Variants in GADL1 observed in about 807,000 individuals in gnomAD.
The protein encoded by GADL1 is GAD like acidic amino acid decarboxylase 1, also known as acidic amino acid decarboxylase GADL1.
Under a neutral mutation model 69.5 loss-of-function variants are expected in GADL1, and 71 were observed. The ratio of observed to expected loss-of-function variants is 1.02; its 90% CI spans 0.84 to 1.25. The LOEUF is 1.25. Ranked by LOEUF, GADL1 falls within the 50% of genes most tolerant of loss-of-function variation. The pLI, the probability that GADL1 is intolerant of heterozygous loss-of-function variation, is 0.00. For missense variants in GADL1, 737 were observed against 631.8 expected (o/e 1.17, Z -1.79); for synonymous variants, 254 against 214.4 (o/e 1.18, Z -1.62).
At chr3:30,791,682 C>G (rs752146137) in intron 12 of GADL1, among the ~76,000 whole-genome samples, 11 of 152,094 alleles carry the variant, frequency 7.2e-5, no homozygotes, top group Admixed American at 3.3e-4. Context: ...ATCGCAGTCA[C>G]TTTCAGAGCC....
At chr3:30,773,569 G>A (rs903660680) in intron 14 of GADL1, among the ~76,000 whole-genome samples, 9 of 151,954 alleles carry the variant, frequency 5.9e-5, no homozygotes, top group South Asian at 2.1e-4. Flanking sequence ...ATAAAATTTC[G>A]ATATTAATAT....
chr3:30,841,111 A>G (rs949677502), intron 8 of GADL1, among the ~76,000 whole-genome samples: 7 of 152,212 alleles, frequency 4.6e-5, no homozygotes, highest in Non-Finnish European at 1.0e-4. Flanking sequence ...ATCTGAAACA[A>G]CATAAGTTAA....
At chr3:30,802,435 G>T (rs1438863642) in intron 11 of GADL1, among the ~76,000 whole-genome samples, 2 of 151,614 alleles carry the variant, frequency 1.3e-5, no homozygotes, top group Non-Finnish European at 2.9e-5. Context: ...CTCATTTGGT[G>T]AATTTTCCAA....
intron 11 of GADL1, among the ~76,000 whole-genome samples, chr3:30,830,378 T>G (rs913833184): frequency 7.9e-5 from 12 of 152,010 alleles, no homozygotes; most frequent in African/African-American, 2.7e-4. Context: ...TAAATAAGTT[T>G]GTTATGCTTT....
intron 14 of GADL1, among the ~76,000 whole-genome samples, chr3:30,770,051 C>G (rs1696382579): frequency 6.6e-6 from 1 of 152,178 alleles, no homozygotes; most frequent in African/African-American, 2.4e-5. Context: ...ACCCGGCAAC[C>G]CTGGCCTGCA....
At chr3:30,737,234 C>A (rs1197834201) in intron 14 of GADL1, among the ~76,000 whole-genome samples, 1 of 151,972 alleles carries the variant, frequency 6.6e-6, no homozygotes, top group African/African-American at 2.4e-5. Flanking sequence ...TTACTTAGGA[C>A]TTTGGGAGAG....
At chr3:30,754,327 A>ATG (rs1695911331) in intron 14 of GADL1, among the ~76,000 whole-genome samples, 1 of 151,962 alleles carries the variant, frequency 6.6e-6, no homozygotes, top group Admixed American at 6.6e-5. Context: ...TGTCAAACTG[A>ATG]TGAAACAAGT....
chr3:30,879,562 T>G (rs1178597610), intron 1 of GADL1, among the ~76,000 whole-genome samples: 4 of 151,990 alleles, frequency 2.6e-5, no homozygotes, highest in Non-Finnish European at 5.9e-5. Context: ...CATATTTCCA[T>G]AAAACTATCA....
chr3:30,786,671 A>G lies in GADL1; in HGVS notation c.1251-265T>C, dbSNP rs181783632. Among the ~76,000 whole-genome samples the G allele has an allele frequency of 3.3e-5, 5 of 152,368 alleles. No homozygotes were observed. In the East Asian group the frequency reaches 9.6e-4, roughly 29 times the overall value. ...TTAACCCTGGTGTGAAAAGCCAGAT[A>G]AAGCAGGCTGGATATATATCTCTGA... On this transcript the variant is annotated intron_variant, in intron 12 of 14. Transcript: ENST00000282538.
chr3:30,865,008 C>G (rs1219996974), intron 1 of GADL1, among the ~76,000 whole-genome samples: 1 of 151,988 alleles, frequency 6.6e-6, no homozygotes, highest in Non-Finnish European at 1.5e-5. Context: ...GACTCCTCAT[C>G]AAACTAAAAG....
chr3:30,777,839 ACAGT>A (rs1378988526), intron 14 of GADL1, among the ~76,000 whole-genome samples: 3 of 152,130 alleles, frequency 2.0e-5, no homozygotes, highest in Admixed American at 6.5e-5. Flanking sequence ...AGGTGGTACA[ACAGT>A]CAGAGATGCA....
chr3:30,894,545 A>T, intron 1 of GADL1, 33 bp downstream of exon 1: 2 of 1,539,222 alleles, frequency 1.3e-6, no homozygotes, highest in Non-Finnish European at 1.8e-6. Flanking sequence ...GGGGAGGTTA[A>T]GGACAAAAAC....
Position 30,850,836 on chromosome 3 carries a change from T to C in GADL1, c.534A>G (p.Pro178=), listed in dbSNP as rs367780757. ...GWKEGDGIFN[P]GGSVSNMYAM... ...ATATCAATAACTAATTGTACTCACC[T>C]GGGTTAAATATTCCATCCCCTTCTT... The change falls in exon 5 of 15, where the codon CCA becomes CCG. Residue 178 remains proline, a splice_region_variant and synonymous_variant. Transcript: ENST00000282538. The C allele has an allele frequency of 4.8e-5, 74 of 1,527,818 alleles. No homozygotes were observed. The highest frequency in any genetic ancestry group is 6.2e-5 in the Non-Finnish European group (70 of 1,125,660). 94.6% of individuals were successfully genotyped at this position (1,527,818 alleles called of 1,614,324 possible).
rs1343777807 is a variant in GADL1, at chr3:30,854,583, T to TA, written c.428+115_428+116insT. 2.3e-5 allele frequency: 14 copies of TA among 615,380 alleles called. No homozygotes were observed. The African/African-American group carries it at 2.6e-4, about 11-fold the overall frequency. 38.1% of individuals were successfully genotyped at this position (615,380 alleles called of 1,614,324 possible). A position where few individuals can be genotyped will look rare whatever the true frequency, so the allele number is the denominator to read the frequency against. Reference sequence around the variant, plus strand: ...TAAGTATCATAAAACTATTCCATTATTTGCGATGGCACTATGCAAAAGAAA... The same window carrying TA: ...TAAGTATCATAAAACTATTCCATTATATTGCGATGGCACTATGCAAAAGAAA... On this transcript the variant is annotated intron_variant, in intron 4 of 14. Transcript: ENST00000282538.
intron 11 of GADL1, among the ~76,000 whole-genome samples, chr3:30,809,637 C>T (rs1217258828): frequency 1.3e-5 from 2 of 152,204 alleles, no homozygotes; most frequent in Admixed American, 1.3e-4. Context: ...CCAATTCTCA[C>T]TTCCTTCCCA....
intron 3 of GADL1, among the ~76,000 whole-genome samples, chr3:30,856,678 T>C (rs758971982): frequency 2.0e-5 from 3 of 152,060 alleles, no homozygotes; most frequent in Non-Finnish European, 4.4e-5. Flanking sequence ...ATTTATATAA[T>C]CAAAATACTA....
chr3:30,740,052 T>C (rs1695593986), intron 14 of GADL1, among the ~76,000 whole-genome samples: 1 of 152,136 alleles, frequency 6.6e-6, no homozygotes. Flanking sequence ...CTCTAAATCA[T>C]GATGTTTCTA....
rs142719241 is a variant in GADL1, at chr3:30,796,459, C to T, written c.1250+4430G>A. ...CAGTGCCGAGAGAGAGCAGGTGAAT[C>T]ATCGTTACTACTGAGAGCATCACAT... On this transcript the variant is annotated intron_variant, in intron 12 of 14. Transcript: ENST00000282538. Among the ~76,000 whole-genome samples the T allele has an allele frequency of 1.9e-3, 287 of 152,300 alleles. No individual in the cohort carries two copies. In the South Asian group the frequency reaches 0.02, roughly 11 times the overall value.
intron 1 of GADL1, among the ~76,000 whole-genome samples, chr3:30,866,472 A>G (rs1380805304): frequency 2.6e-5 from 4 of 152,026 alleles, no homozygotes; most frequent in Non-Finnish European, 4.4e-5. Context: ...AATAATAGTA[A>G]TAATAGTACA....
Sources: gnomAD v4.1 joint callset for allele counts (sites outside exome capture counted in the v4.1 genomes callset) on GRCh38, gnomAD v4.1.1 for gene constraint, MANE v1.5 for transcripts, NCBI Gene and HGNC (gene_info 2026-07-23, HGNC 2026-07-21) for gene names.